The following MYLK4 variants were observed in gnomAD, a reference collection of about 807,000 sequenced individuals.
MYLK4 encodes caMLCK like.
Under a neutral mutation model 48.1 loss-of-function variants are expected in MYLK4, and 46 were observed. That is an observed-to-expected ratio of 0.96 (90% CI 0.75 to 1.22). The LOEUF is 1.22. MYLK4 is among the 50% of genes most tolerant of loss of function. The pLI is 0.00. For missense variants in MYLK4, 451 were observed against 486.1 expected (o/e 0.93, Z 0.68); for synonymous variants, 170 against 180.8 (o/e 0.94, Z 0.48).
chr6:2,760,201 C>T, the MYLK4 span, among the ~76,000 whole-genome samples: 1 of 152,190 alleles, frequency 6.6e-6, no homozygotes, highest in Non-Finnish European at 1.5e-5. Context: ...ATAGCATTTA[C>T]ATTGTATTAG....
chr6:2,747,532 T>C (rs1259059011), intron 2 of MYLK4, among the ~76,000 whole-genome samples: 3 of 152,114 alleles, frequency 2.0e-5, no homozygotes, highest in South Asian at 2.1e-4. Context: ...TTTTTTTATT[T>C]TTGTAGAAAT....
chr6:2,694,553 AGTCGTGGTGGTAGTGGTAGTGCTGCTGG>A (rs1582057086), intron 2 of MYLK4, among the ~76,000 whole-genome samples: 10 of 4,736 alleles, frequency 2.1e-3, no homozygotes, highest in South Asian at 9.4e-3. Context: ...TTGTGGTGGT[AGTCGTGGTGGTAGTGGTAGTGCTGCTGG>A]TGGTGGTGGT....
chr6:2,700,414 A>G (rs911716376), intron 2 of MYLK4, among the ~76,000 whole-genome samples: 2 of 152,140 alleles, frequency 1.3e-5, no homozygotes, highest in African/African-American at 2.4e-5. Flanking sequence ...GAGGGGACCC[A>G]CTTCCTCTGT....
rs1760622230 is a variant in MYLK4 at position 2,665,709 on chromosome 6, GA to G, written c.*2215del. 2 of 152,318 alleles carry G rather than the reference GA, an allele frequency of 1.3e-5. No homozygotes were observed. The highest frequency in any genetic ancestry group is 4.1e-4 in the South Asian group (2 of 4,830). The allele number at this position is 152,318 out of a possible 1,614,324, so 9.4% of individuals were successfully genotyped here. The stretch of plus-strand genomic sequence containing the variant: ...AAGATCTCCTGCTTGATTTGGTAGA[GA>G]ATGCACACCACAGGACAGAAAACGC... On this transcript the variant is annotated 3_prime_UTR_variant, in exon 13 of 13. Coordinates refer to ENST00000274643, the MANE Select transcript of MYLK4 (RefSeq NM_001012418.5).
intron 2 of MYLK4, among the ~76,000 whole-genome samples, chr6:2,716,403 T>G (rs1337617557): frequency 6.6e-6 from 1 of 152,242 alleles, no homozygotes; most frequent in African/African-American, 2.4e-5. Flanking sequence ...AATACATATA[T>G]GCTGGTGTGT....
intron 2 of MYLK4, among the ~76,000 whole-genome samples, chr6:2,741,088 T>C (rs1364662293): frequency 1.2e-5 from 1 of 81,362 alleles, no homozygotes; most frequent in Non-Finnish European, 2.5e-5. Context: ...TGGCTAAAAA[T>C]GTTTTAAATG....
At chr6:2,709,402 T>C (rs1450218305) in intron 2 of MYLK4, among the ~76,000 whole-genome samples, 1 of 152,236 alleles carries the variant, frequency 6.6e-6, no homozygotes, top group Non-Finnish European at 1.5e-5. Context: ...GATCTGCCCG[T>C]GAGGCATGGT....
At chr6:2,737,697 A>G (rs1763729800) in intron 2 of MYLK4, among the ~76,000 whole-genome samples, 1 of 152,168 alleles carries the variant, frequency 6.6e-6, no homozygotes, top group Non-Finnish European at 1.5e-5. Context: ...TGCCTGAGAA[A>G]CCTGACAGCA....
At position 2,749,212 on chromosome 6, in the gene MYLK4, C is replaced by G. The variant is rs1277147349; in HGVS notation, c.83G>C (p.Arg28Thr). ...QLEKMAFFQC[R>T]EEVEKVKCFL... ...ACACTTCACTTTCTCCACCTCTTCC[C>G]TGCACTGAAAAAAGGCCATTTTCTC... is the stretch of plus-strand genomic sequence containing the variant. The change falls in exon 2 of 13, where the codon AGG (arginine) becomes ACG (threonine). Residue 28 changes from arginine (R) to threonine (T), a missense_variant. By Grantham distance (71) the Arg-to-Thr change is moderately conservative. Transcript: ENST00000274643. 1.9e-6 allele frequency: 3 copies of G among 1,613,930 alleles called. No homozygotes were observed. The Admixed American group carries it at 5.0e-5, about 27-fold the overall frequency.
chr6:2,769,979 C>A, the MYLK4 span: 1 of 1,210,936 alleles, frequency 8.3e-7, no homozygotes, highest in Admixed American at 2.3e-5. Context: ...CATCTATATT[C>A]AGTGAATATA....
intron 2 of MYLK4, among the ~76,000 whole-genome samples, chr6:2,724,389 C>T (rs1763176892): frequency 6.6e-6 from 1 of 152,172 alleles, no homozygotes; most frequent in South Asian, 2.1e-4. Context: ...TCTATAGGAG[C>T]TATGAAAGGG....
chr6:2,755,916 C>A (rs1219311542), upstream of MYLK4, among the ~76,000 whole-genome samples: 2 of 152,184 alleles, frequency 1.3e-5, no homozygotes, highest in African/African-American at 4.8e-5. Flanking sequence ...CAGAACATCA[C>A]AAAAGGTGGC....
intron 2 of MYLK4, among the ~76,000 whole-genome samples, chr6:2,705,548 A>G (rs1328701243): frequency 1.3e-5 from 2 of 152,166 alleles, no homozygotes; most frequent in East Asian, 3.8e-4. Flanking sequence ...TGCTGATTCA[A>G]ATAAGAATAA....
chr6:2,688,082 CAG>C (rs1408425519), intron 4 of MYLK4, among the ~76,000 whole-genome samples: 2 of 150,896 alleles, frequency 1.3e-5, no homozygotes, highest in African/African-American at 4.9e-5. Context: ...TTTTTTGAGA[CAG>C]AGTCTTACTC....
chr6:2,710,612 A>G (rs1330568896), intron 2 of MYLK4, among the ~76,000 whole-genome samples: 2 of 152,114 alleles, frequency 1.3e-5, no homozygotes, highest in Non-Finnish European at 2.9e-5. Flanking sequence ...AAAAACCCCT[A>G]ATTTCAGCTG....
chr6:2,683,264 A>G (rs1761386922), intron 6 of MYLK4, 102 bp from the exon 7 acceptor site: 6 of 1,269,818 alleles, frequency 4.7e-6, no homozygotes, highest in Non-Finnish European at 6.7e-6. Flanking sequence ...CTCTTCTGAA[A>G]GGTGTATGTG....
chr6:2,754,632 A>G (rs957900003), upstream of MYLK4, among the ~76,000 whole-genome samples: 6 of 152,232 alleles, frequency 3.9e-5, no homozygotes, highest in Non-Finnish European at 5.9e-5. Flanking sequence ...TGCACTTGAG[A>G]TGGGTGAATT....
the MYLK4 span, chr6:2,766,430 C>T: frequency 1.3e-6 from 2 of 1,575,954 alleles, no homozygotes; most frequent in Admixed American, 1.7e-5. Flanking sequence ...GTGGGGGCCG[C>T]CGGGCTGCGG....
At chr6:2,761,118 C>T in the MYLK4 span, among the ~76,000 whole-genome samples, 2 of 152,174 alleles carry the variant, frequency 1.3e-5, no homozygotes, top group African/African-American at 4.8e-5. Context: ...CTCATAGGCA[C>T]TGCAGCCAGG....
Sources: allele counts gnomAD v4.1 joint callset (sites outside exome capture counted in the v4.1 genomes callset), GRCh38; gene constraint gnomAD v4.1.1; transcripts MANE v1.5; gene names NCBI Gene and HGNC (gene_info 2026-07-23, HGNC 2026-07-21).